LIN7A: variants seen among roughly 807,000 people sequenced by gnomAD.
The protein encoded by LIN7A is protein lin-7 homolog A.
In LIN7A, 25 loss-of-function variants were observed where a neutral mutation model predicts 29.8. The ratio of observed to expected loss-of-function variants is 0.84; its 90% CI spans 0.61 to 1.17. The LOEUF (loss-of-function observed/expected upper bound fraction) is 1.17, where lower values mean the gene tolerates loss of function less well. Ranked by LOEUF, LIN7A falls within the 50% of genes most tolerant of loss-of-function variation. LIN7A has a pLI of 0.00. For synonymous variants in LIN7A, 118 were observed against 107.5 expected (o/e 1.10, Z -0.60); for missense variants, 239 against 287.0 (o/e 0.83, Z 1.21).
chr12:80,834,355 A>G (rs1012113115), intron 4 of LIN7A, among the ~76,000 whole-genome samples: 3 of 152,210 alleles, frequency 2.0e-5, no homozygotes, highest in African/African-American at 7.2e-5. Flanking sequence ...CTATATATTT[A>G]CACAGTTGGT....
chr12:80,832,031 T>C (rs927939950), intron 4 of LIN7A, among the ~76,000 whole-genome samples: 3 of 152,200 alleles, frequency 2.0e-5, no homozygotes. Flanking sequence ...AGGTTTTGGT[T>C]ACAGACTTTA....
intron 2 of LIN7A, among the ~76,000 whole-genome samples, chr12:80,853,003 A>G (rs1291906962): frequency 6.6e-6 from 1 of 152,178 alleles, no homozygotes; most frequent in African/African-American, 2.4e-5. Context: ...TCAACTTCAG[A>G]GAGAAGGACC....
intron 1 of LIN7A, among the ~76,000 whole-genome samples, chr12:80,899,554 G>C (rs138131691): frequency 2.9e-4 from 44 of 152,018 alleles, no homozygotes; most frequent in Non-Finnish European, 5.9e-4. Flanking sequence ...GTTTCAGTAG[G>C]AATGGTACCA....
At chr12:80,888,561 A>G (rs1042784356) in intron 2 of LIN7A, among the ~76,000 whole-genome samples, 1 of 152,156 alleles carries the variant, frequency 6.6e-6, no homozygotes, top group Admixed American at 6.6e-5. Flanking sequence ...TTTAGGTTCT[A>G]ACTAATGAAT....
At chr12:80,808,866 C>T (rs1871161931) in intron 5 of LIN7A, among the ~76,000 whole-genome samples, 1 of 152,028 alleles carries the variant, frequency 6.6e-6, no homozygotes, top group Admixed American at 6.6e-5. Context: ...AAATATGGTA[C>T]ATATAATAAA....
chr12:80,840,123 C>A (rs1592882180), intron 4 of LIN7A, among the ~76,000 whole-genome samples: 1 of 152,178 alleles, frequency 6.6e-6, no homozygotes, highest in African/African-American at 2.4e-5. Context: ...AGTAAAATAT[C>A]ACCTTTTGGA....
Position 80,937,689 on chromosome 12 carries a change from C to A in LIN7A, c.34G>T (p.Ala12Ser). 6.4e-7 allele frequency: 1 copy of A among 1,555,350 alleles called. No homozygotes were observed. Among genetic ancestry groups the A allele is most frequent in the Non-Finnish European group, 8.7e-7 (1 of 1,145,802 alleles). The change falls in exon 1 of 6, where the codon GCA becomes TCA. Residue 12 changes from alanine to serine, a missense_variant. Physicochemically the swap from Ala to Ser is moderately conservative, Grantham distance 99. Coordinates refer to ENST00000552864, the MANE Select transcript of LIN7A (RefSeq NM_004664.4). ...ACCACTGTCAATGTCGCCATGTCTG[C>A]CGTGGGAGCCGAAGTGACGCTCGGC... ...LKPSVTSAPT[A>S]DMATLTVVQP... is the part of the protein sequence containing the mutation.
At chr12:80,924,016 G>T (rs1877449893) in intron 1 of LIN7A, among the ~76,000 whole-genome samples, 1 of 152,222 alleles carries the variant, frequency 6.6e-6, no homozygotes, top group African/African-American at 2.4e-5. Context: ...TGTCTGTCAT[G>T]TAGTAAATAT....
chr12:80,924,585 T>C (rs939232735), intron 1 of LIN7A, among the ~76,000 whole-genome samples: 8 of 152,218 alleles, frequency 5.3e-5, no homozygotes, highest in African/African-American at 1.4e-4. Flanking sequence ...CAAGGTTATA[T>C]GGCTAGGATG....
intron 1 of LIN7A, among the ~76,000 whole-genome samples, chr12:80,926,208 A>G (rs1178089634): frequency 1.3e-5 from 2 of 152,224 alleles, no homozygotes; most frequent in Non-Finnish European, 2.9e-5. Context: ...ACTTAACTAG[A>G]ACATAAGCAC....
chr12:80,903,383 T>G (rs1326512146), intron 1 of LIN7A, among the ~76,000 whole-genome samples: 2 of 152,084 alleles, frequency 1.3e-5, no homozygotes, highest in African/African-American at 2.4e-5. Flanking sequence ...AAGTCTCCAG[T>G]GTCTATTATT....
At chr12:80,868,524 C>A (rs1368281977) in intron 2 of LIN7A, among the ~76,000 whole-genome samples, 2 of 152,128 alleles carry the variant, frequency 1.3e-5, no homozygotes, top group East Asian at 1.9e-4. Flanking sequence ...GCCGAGATTG[C>A]GCCATTGCAC....
chr12:80,895,319 T>G (rs1434917738), intron 1 of LIN7A, among the ~76,000 whole-genome samples: 3 of 152,148 alleles, frequency 2.0e-5, no homozygotes, highest in Non-Finnish European at 4.4e-5. Flanking sequence ...ATATTAGAAT[T>G]TAAAAGGGAT....
At chr12:80,822,049 T>C (rs1871833871) in intron 4 of LIN7A, among the ~76,000 whole-genome samples, 1 of 152,180 alleles carries the variant, frequency 6.6e-6, no homozygotes, top group Admixed American at 6.5e-5. Flanking sequence ...GTTTTCACAC[T>C]GCTAATAAAG....
chr12:80,857,217 A>AT (rs1209170756), intron 2 of LIN7A, among the ~76,000 whole-genome samples: 2 of 152,294 alleles, frequency 1.3e-5, no homozygotes, highest in East Asian at 3.9e-4. Flanking sequence ...GATATCTTAG[A>AT]TTCAGAGTGG....
At chr12:80,850,237 G>A (rs1262370372) in intron 2 of LIN7A, among the ~76,000 whole-genome samples, 1 of 152,110 alleles carries the variant, frequency 6.6e-6, no homozygotes, top group Non-Finnish European at 1.5e-5. Context: ...TTAATTGTAT[G>A]ATGTTTGTCA....
intron 1 of LIN7A, among the ~76,000 whole-genome samples, chr12:80,930,532 C>T (rs558987248): frequency 2.6e-5 from 4 of 152,232 alleles, no homozygotes; most frequent in East Asian, 1.9e-4. Context: ...AATTGAAAAG[C>T]GTAGCTTATA....
chr12:80,921,521 A>C (rs994292300), intron 1 of LIN7A, among the ~76,000 whole-genome samples: 2 of 134,700 alleles, frequency 1.5e-5, no homozygotes, highest in African/African-American at 2.8e-5. Context: ...ACAAGTCAGA[A>C]GTGAGAGGGA....
intron 2 of LIN7A, among the ~76,000 whole-genome samples, chr12:80,880,776 TACAC>T (rs3072399): frequency 8.7e-6 from 1 of 115,366 alleles, no homozygotes; most frequent in Admixed American, 8.9e-5. Flanking sequence ...CACACACACA[TACAC>T]ACACACAGAC....
Sources: gnomAD v4.1 joint callset for allele counts (sites outside exome capture counted in the v4.1 genomes callset) on GRCh38, gnomAD v4.1.1 for gene constraint, MANE v1.5 for transcripts, NCBI Gene and HGNC (gene_info 2026-07-23, HGNC 2026-07-21) for gene names.